SAP30: variants seen among roughly 807,000 people sequenced by gnomAD.
The protein encoded by SAP30 is Sin3A associated protein 30.
SAP30 carries 13 observed loss-of-function variants against 19.6 expected under a neutral mutation model. The ratio of observed to expected loss-of-function variants is 0.66; its 90% CI spans 0.43 to 1.05. The LOEUF (loss-of-function observed/expected upper bound fraction) is 1.05. Ranked by LOEUF, SAP30 falls within the 50% of genes least tolerant of loss-of-function variation. The pLI is 0.00. For missense variants in SAP30, 257 were observed against 292.1 expected (o/e 0.88, Z 0.88); for synonymous variants, 108 against 122.7 (o/e 0.88, Z 0.79).
At chr4:173,376,738 C>G (rs1323503365) in intron 3 of SAP30, among the ~76,000 whole-genome samples, 1 of 152,010 alleles carries the variant, frequency 6.6e-6, no homozygotes, top group Non-Finnish European at 1.5e-5. Context: ...CCTGTCTAAG[C>G]CTTCTGAGTA....
At chr4:173,372,874 C>G (rs984026638) in intron 1 of SAP30, among the ~76,000 whole-genome samples, 1 of 152,202 alleles carries the variant, frequency 6.6e-6, no homozygotes, top group African/African-American at 2.4e-5. Context: ...CCTCCAACCA[C>G]CAGGTTCAAG....
intron 1 of SAP30, among the ~76,000 whole-genome samples, chr4:173,372,922 A>G (rs777523541): frequency 6.6e-6 from 1 of 152,218 alleles, no homozygotes; most frequent in Non-Finnish European, 1.5e-5. Context: ...AGCTGGGATT[A>G]CAGGCTACTG....
intron 3 of SAP30, 62 bp from the exon 4 acceptor site, chr4:173,377,143 C>T (rs760107715): frequency 2.6e-4 from 328 of 1,262,232 alleles, no homozygotes; most frequent in Non-Finnish European, 3.3e-4. Flanking sequence ...GTATTTTTTA[C>T]GTAGTTTATG....
intron 3 of SAP30, among the ~76,000 whole-genome samples, chr4:173,376,332 T>C (rs1739038856): frequency 6.6e-6 from 1 of 152,226 alleles, no homozygotes; most frequent in South Asian, 2.1e-4. Context: ...TTTCCATTCA[T>C]AATTTTTATT....
chr4:173,377,480 T>C lies in SAP30; in HGVS notation c.*153T>C, dbSNP rs1450784833. ...TCTAATAATTAGTTGGAAACTCATA[T>C]AAAATGAGCTTTCCTAAATTAAATC... On this transcript the variant is annotated 3_prime_UTR_variant, in exon 4 of 4. Transcript: ENST00000296504. 1 of 639,344 alleles carries C rather than the reference T, an allele frequency of 1.6e-6. No individual in the cohort carries two copies. Among genetic ancestry groups the C allele is most frequent in the Non-Finnish European group, 2.5e-6 (1 of 394,630 alleles). The allele number at this position is 639,344 out of a possible 1,614,324, so 39.6% of individuals were successfully genotyped here. A position where few individuals can be genotyped will look rare whatever the true frequency, so the allele number is the denominator to read the frequency against.
At chr4:173,373,044 A>G (rs1439735490) in intron 1 of SAP30, among the ~76,000 whole-genome samples, 1 of 152,140 alleles carries the variant, frequency 6.6e-6, no homozygotes, top group Non-Finnish European at 1.5e-5. Context: ...TTGGCCTCCC[A>G]AAGTGCTGGG....
rs778039808 is a variant in SAP30, at chr4:173,371,242, C to T, written c.60C>T (p.Ala20=). The part of the protein sequence containing the change: ...SRGGDAAAAV[A]AVVAAAAAAA... ...GCGGGGATGCGGCCGCCGCAGTGGC[C>T]GCAGTGGTCGCTGCCGCGGCCGCCG... Residue 20 remains alanine, a synonymous_variant, in exon 1 of 4, where the codon GCC becomes GCT. Coordinates refer to ENST00000296504, the MANE Select transcript of SAP30 (RefSeq NM_003864.4). This position sits in a 1 kb window ranked among gnomAD's most constrained non-coding sequence, Gnocchi z 6.4. 7 of 1,386,018 alleles carry T rather than the reference C, an allele frequency of 5.1e-6. No individual in the cohort carries two copies. Among genetic ancestry groups the T allele is most frequent in the African/African-American group, 1.5e-5 (1 of 65,382 alleles). 85.9% of individuals were successfully genotyped at this position (1,386,018 alleles called of 1,614,324 possible).
intron 3 of SAP30, among the ~76,000 whole-genome samples, chr4:173,374,465 G>A (rs531855613): frequency 2.6e-4 from 39 of 152,204 alleles, no homozygotes; most frequent in African/African-American, 8.9e-4. Context: ...ATTTTTAGTA[G>A]AGATAGGGTT....
Position 173,371,014 on chromosome 4 carries a change from C to A in SAP30, c.-169C>A. The A allele has an allele frequency of 1.5e-6, 1 of 661,046 alleles. No homozygotes were observed. The highest frequency in any genetic ancestry group is 2.1e-6 in the Non-Finnish European group (1 of 466,490). The allele number at this position is 661,046 out of a possible 1,614,324, so 40.9% of individuals were successfully genotyped here. A position where few individuals can be genotyped will look rare whatever the true frequency, so the allele number is the denominator to read the frequency against. ...TCTGCGTCCCGGCCCTCAGCACTGT[C>A]CACTGTTTCGGTGCCAGCAGAGACC... is the stretch of plus-strand genomic sequence containing the variant. On this transcript the variant is annotated 5_prime_UTR_variant, in exon 1 of 4. Transcript: ENST00000296504. The surrounding 1 kb of genome is among the most constrained non-coding windows in gnomAD (Gnocchi z 6.4).
chr4:173,371,048 C>T lies in SAP30; in HGVS notation c.-135C>T, dbSNP rs1258552472. 8.6e-6 allele frequency: 9 copies of T among 1,049,290 alleles called. No individual in the cohort carries two copies. The East Asian group carries it at 3.7e-4, about 43-fold the overall frequency. The allele number at this position is 1,049,290 out of a possible 1,614,324, so 65.0% of individuals were successfully genotyped here. A position where few individuals can be genotyped will look rare whatever the true frequency, so the allele number is the denominator to read the frequency against. On this transcript the variant is annotated 5_prime_UTR_variant, in exon 1 of 4. Transcript: ENST00000296504. The surrounding 1 kb of genome is among the most constrained non-coding windows in gnomAD (Gnocchi z 6.4). ...CGGTGCCAGCAGAGACCAGCAGGCC[C>T]GGGACAGTTGGTGTTTGGCCGTGCC...
At chr4:173,372,416 C>G (rs539624238) in intron 1 of SAP30, among the ~76,000 whole-genome samples, 1 of 152,086 alleles carries the variant, frequency 6.6e-6, no homozygotes, top group South Asian at 2.1e-4. Context: ...ACACTTTTTG[C>G]CCGTTTAAAC....
chr4:173,371,146 G>A lies in SAP30; in HGVS notation c.-37G>A. The A allele has an allele frequency of 6.9e-7, 1 of 1,456,252 alleles. No homozygotes were observed. The highest frequency in any genetic ancestry group is 9.0e-7 in the Non-Finnish European group (1 of 1,105,778). The allele number at this position is 1,456,252 out of a possible 1,614,324, so 90.2% of individuals were successfully genotyped here. On this transcript the variant is annotated 5_prime_UTR_variant, in exon 1 of 4. Coordinates refer to ENST00000296504, the MANE Select transcript of SAP30 (RefSeq NM_003864.4). This position sits in a 1 kb window ranked among gnomAD's most constrained non-coding sequence, Gnocchi z 6.4. Reference sequence around the variant, plus strand: ...AGAGGCGGAGCGGCCAGGAGAGAGGGGATTTCTGTCAGCGCCGGCCTCGGG... The same window carrying A: ...AGAGGCGGAGCGGCCAGGAGAGAGGAGATTTCTGTCAGCGCCGGCCTCGGG...
intron 3 of SAP30, among the ~76,000 whole-genome samples, chr4:173,376,527 C>G (rs1229352747): frequency 2.0e-5 from 3 of 152,188 alleles, no homozygotes; most frequent in Non-Finnish European, 4.4e-5. Context: ...CATGTGATCT[C>G]TTACGTCTGT....
In SAP30 at chr4:173,377,348, A is replaced by G. The variant is rs1450820529; in HGVS notation, c.*21A>G. The G allele has an allele frequency of 6.3e-7, 1 of 1,593,548 alleles. No individual in the cohort carries two copies. The highest frequency in any genetic ancestry group is 8.5e-7 in the Non-Finnish European group (1 of 1,172,768). The stretch of plus-strand genomic sequence containing the variant: ...ACTAGGAGACGTGGAATTGAGACTA[A>G]TAACTTGGATGTTAACACTGTTTAC... On this transcript the variant is annotated 3_prime_UTR_variant, in exon 4 of 4. Coordinates refer to ENST00000296504, the MANE Select transcript of SAP30 (RefSeq NM_003864.4).
chr4:173,377,267 C>T lies in SAP30; in HGVS notation c.603C>T (p.Ile201=). ...VNEKDTLTYF[I]YSVKNDKNKS... ...AAAAAGACACCTTAACATATTTCAT[C>T]TACTCAGTGAAGAATGACAAGAACA... The change falls in exon 4 of 4, where the codon ATC becomes ATT. Residue 201 remains isoleucine (I), a synonymous_variant. Coordinates refer to ENST00000296504, the MANE Select transcript of SAP30 (RefSeq NM_003864.4). 6.2e-7 allele frequency: 1 copy of T among 1,608,962 alleles called. No individual in the cohort carries two copies. The highest frequency in any genetic ancestry group is 8.5e-7 in the Non-Finnish European group (1 of 1,177,512).
intron 1 of SAP30, among the ~76,000 whole-genome samples, chr4:173,372,239 G>GGT (rs2126904519): frequency 6.6e-6 from 1 of 152,336 alleles, no homozygotes; most frequent in Non-Finnish European, 1.5e-5. Context: ...AGCGGTAAAT[G>GGT]AATAACATGG....
In SAP30 at chr4:173,371,993, C is replaced by G. The variant is rs1738948086; in HGVS notation, c.315+496C>G. Among the ~76,000 whole-genome samples the G allele has an allele frequency of 6.6e-6, 1 of 152,232 alleles. No homozygotes were observed. The highest frequency in any genetic ancestry group is 6.5e-5 in the Admixed American group (1 of 15,290). On this transcript the variant is annotated intron_variant, in intron 1 of 3. Transcript: ENST00000296504. The surrounding 1 kb of genome is among the most constrained non-coding windows in gnomAD (Gnocchi z 6.4). ...TCCTGTTCTTTTCTGTGTTCCGTCT[C>G]CTCCGGAGCGGAGTGAGAGGGAAGC...
At position 173,374,046 on chromosome 4, in the gene SAP30, G is replaced by A; in HGVS notation, c.540+9G>A. On this transcript the variant is annotated intron_variant, in intron 3 of 3. Transcript: ENST00000296504. ...AAGCACAACTTGTTGAGGTATATAT[G>A]AGTTTTAAACTATTTGAACTATCTG... 4 of 1,510,272 alleles carry A rather than the reference G, an allele frequency of 2.6e-6. No homozygotes were observed. The highest frequency in any genetic ancestry group is 3.6e-6 in the Non-Finnish European group (4 of 1,101,258). 93.6% of individuals were successfully genotyped at this position (1,510,272 alleles called of 1,614,324 possible).
rs1056576463 is a variant in SAP30, at chr4:173,371,041, G to T, written c.-142G>T. On this transcript the variant is annotated 5_prime_UTR_variant, in exon 1 of 4. Coordinates refer to ENST00000296504, the MANE Select transcript of SAP30 (RefSeq NM_003864.4). This position sits in a 1 kb window ranked among gnomAD's most constrained non-coding sequence, Gnocchi z 6.4. ...ACTGTTTCGGTGCCAGCAGAGACCA[G>T]CAGGCCCGGGACAGTTGGTGTTTGG... The T allele has an allele frequency of 2.1e-5, 20 of 963,498 alleles. No homozygotes were observed. The highest frequency in any genetic ancestry group is 2.8e-5 in the Non-Finnish European group (20 of 722,212). 59.7% of individuals were successfully genotyped at this position (963,498 alleles called of 1,614,324 possible). A position where few individuals can be genotyped will look rare whatever the true frequency, so the allele number is the denominator to read the frequency against.
Sources: gnomAD v4.1 joint callset for allele counts (sites outside exome capture counted in the v4.1 genomes callset) on GRCh38, gnomAD v4.1.1 for gene constraint, Gnocchi (gnomAD v3.1) non-coding constraint, MANE v1.5 for transcripts, NCBI Gene and HGNC (gene_info 2026-07-23, HGNC 2026-07-21) for gene names.